DMRTB1: variants seen among roughly 807,000 people sequenced by gnomAD.
DMRTB1 encodes the protein doublesex- and mab-3-related transcription factor B1.
A neutral mutation model predicts 25.2 loss-of-function variants in DMRTB1; 9 were observed. The ratio of observed to expected loss-of-function variants is 0.36; its 90% CI spans 0.22 to 0.62. The LOEUF (loss-of-function observed/expected upper bound fraction) is 0.62, where lower values mean the gene tolerates loss of function less well. Ranked by LOEUF, DMRTB1 falls within the 20% of genes least tolerant of loss-of-function variation. The probability of loss-of-function intolerance (pLI) is 0.71; values close to 1 mark genes in which losing one functional copy is unlikely to be tolerated. For synonymous variants in DMRTB1, 269 were observed against 238.1 expected (o/e 1.13, Z -1.20); for missense variants, 551 against 499.3 (o/e 1.10, Z -0.99).
intron 2 of DMRTB1, among the ~76,000 whole-genome samples, chr1:53,462,669 A>G (rs1644028646): frequency 2.0e-5 from 3 of 152,254 alleles, no homozygotes; most frequent in Admixed American, 2.0e-4. Context: ...GTTTTTGGCC[A>G]GGGTCACAAA....
intron 2 of DMRTB1, among the ~76,000 whole-genome samples, chr1:53,464,371 C>T (rs930289874): frequency 3.3e-5 from 5 of 152,316 alleles, no homozygotes; most frequent in East Asian, 1.9e-4. Context: ...CAAGCACAAT[C>T]GCCCTGGCAT....
At chr1:53,466,499 TAAAATA>T in intron 3 of DMRTB1, 90 bp from the exon 4 acceptor site, 1 of 1,285,628 alleles carries the variant, frequency 7.8e-7, no homozygotes. Context: ...TCAAAAAAAT[TAAAATA>T]AAATAAGAAA....
At chr1:53,464,575 T>G in intron 2 of DMRTB1, 62 bp from the exon 3 acceptor site, 1 of 1,611,000 alleles carries the variant, frequency 6.2e-7, no homozygotes, top group Non-Finnish European at 8.5e-7. Context: ...AGAGCTATGT[T>G]TGGTCAGCCC....
intron 2 of DMRTB1, among the ~76,000 whole-genome samples, chr1:53,464,010 A>G (rs1644037089): frequency 6.6e-6 from 1 of 152,178 alleles, no homozygotes; most frequent in South Asian, 2.1e-4. Flanking sequence ...CAGTGAGGCC[A>G]CTTGCCTGAA....
rs368260068 is a variant in DMRTB1 at position 53,459,402 on chromosome 1, T to C, written c.-52T>C. ...GGGCGCGGCTCATCCCAGCGCCACT[T>C]GCTCTGCAGCTCCCAGAGGTGGTGG... On this transcript the variant is annotated 5_prime_UTR_variant, in exon 1 of 4. Transcript: ENST00000371445. 1.5e-5 allele frequency: 24 copies of C among 1,612,024 alleles called. No individual in the cohort carries two copies. In the African/African-American group the frequency reaches 3.1e-4, roughly 21 times the overall value.
At position 53,461,531 on chromosome 1, in the gene DMRTB1, C is replaced by T. The variant is rs1212918005; in HGVS notation, c.636C>T (p.Ser212=). 4 of 1,612,022 alleles carry T rather than the reference C, an allele frequency of 2.5e-6. No homozygotes were observed. Among genetic ancestry groups the T allele is most frequent in the Non-Finnish European group, 3.4e-6 (4 of 1,179,128 alleles). Residue 212 remains serine, a synonymous_variant, in exon 2 of 4, where the codon TCC becomes TCT. Coordinates refer to ENST00000371445, the MANE Select transcript of DMRTB1 (RefSeq NM_033067.3). The part of the protein sequence containing the change: ...RALGPEYPGG[S]SMHPYCPFPL... ...TGGGCCCTGAGTACCCTGGTGGCTCCAGCATGCACCCCTACTGCCCGTTCC... is the reference window on the plus strand; with the variant it reads ...TGGGCCCTGAGTACCCTGGTGGCTCTAGCATGCACCCCTACTGCCCGTTCC...
Position 53,460,030 on chromosome 1 carries a change from G to A in DMRTB1, c.577G>A (p.Val193Met). The change falls in exon 1 of 4, where the codon GTG becomes ATG. Residue 193 changes from valine (V) to methionine (M), a missense_variant and splice_region_variant. By Grantham distance (21) the Val-to-Met change is conservative (BLOSUM62 1). Coordinates refer to ENST00000371445, the MANE Select transcript of DMRTB1 (RefSeq NM_033067.3). ...TVPGPLFTDFVRPLNINPDRA... is the reference protein window; with the variant it reads ...TVPGPLFTDFMRPLNINPDRA... ...GCCCGGCCCACTGTTCACCGACTTTGGTAAGTCGTGGCCTTGGTCCCGCGG... is the reference window on the plus strand; with the variant it reads ...GCCCGGCCCACTGTTCACCGACTTTAGTAAGTCGTGGCCTTGGTCCCGCGG... The A allele has an allele frequency of 4.5e-6, 7 of 1,571,152 alleles. No individual in the cohort carries two copies. The highest frequency in any genetic ancestry group is 6.0e-6 in the Non-Finnish European group (7 of 1,167,438).
rs1317147444 is a variant in DMRTB1, at chr1:53,466,681, T to TG, written c.*21dup. On this transcript the variant is annotated 3_prime_UTR_variant, in exon 4 of 4. Coordinates refer to ENST00000371445, the MANE Select transcript of DMRTB1 (RefSeq NM_033067.3). Reference sequence around the variant, plus strand: ...CGACTAGGCCCCAGGCCCGCCCTCCTGGCCAGCAGAGTGGGGCACTGGGGG... The same window carrying TG: ...CGACTAGGCCCCAGGCCCGCCCTCCTGGGCCAGCAGAGTGGGGCACTGGGGG... The TG allele has an allele frequency of 6.2e-7, 1 of 1,613,178 alleles. No homozygotes were observed. Among genetic ancestry groups the TG allele is most frequent in the Non-Finnish European group, 8.5e-7 (1 of 1,179,714 alleles).
At chr1:53,460,221 CAG>C (rs2100636192) in intron 1 of DMRTB1, 191 bp downstream of exon 1, 1 of 794,918 alleles carries the variant, frequency 1.3e-6, no homozygotes, top group South Asian at 2.0e-5. Flanking sequence ...AAACGAGAAA[CAG>C]AAAGGAATGG....
In DMRTB1 at chr1:53,464,939, G is replaced by A. The variant is rs1017648105; in HGVS notation, c.961+92G>A. 28 of 1,546,020 alleles carry A rather than the reference G, an allele frequency of 1.8e-5. No individual in the cohort carries two copies. The African/African-American group carries it at 3.5e-4, about 20-fold the overall frequency. On this transcript the variant is annotated intron_variant, in intron 3 of 3. Transcript: ENST00000371445. ...AATCTGAAGAAAGGTTAGGTGTGGA[G>A]AGAAGGGACATGGAATTTAAAGGGT...
chr1:53,459,945 G>A lies in DMRTB1; in HGVS notation c.492G>A (p.Ala164=), dbSNP rs1345741906. The change falls in exon 1 of 4, where the codon GCG becomes GCA. Residue 164 remains alanine (A), a synonymous_variant. Coordinates refer to ENST00000371445, the MANE Select transcript of DMRTB1 (RefSeq NM_033067.3). ...MPSLAGPPFG[A]EAAGSGYPGP... ...GCCTTGCGGGACCCCCTTTTGGGGC[G>A]GAGGCCGCAGGCAGTGGCTACCCTG... 3.2e-6 allele frequency: 5 copies of A among 1,568,726 alleles called. No homozygotes were observed. The highest frequency in any genetic ancestry group is 2.8e-5 in the African/African-American group (2 of 72,294).
Position 53,464,904 on chromosome 1 carries a change from A to G in DMRTB1, c.961+57A>G, listed in dbSNP as rs150471942. 1.3e-5 allele frequency: 21 copies of G among 1,605,200 alleles called. No individual in the cohort carries two copies. The East Asian group carries it at 4.7e-4, about 36-fold the overall frequency. ...AGAGCCAGGGAGACTTTCTGGAGGA[A>G]GAGGTACCTAATCTGAAGAAAGGTT... On this transcript the variant is annotated intron_variant, in intron 3 of 3. Coordinates refer to ENST00000371445, the MANE Select transcript of DMRTB1 (RefSeq NM_033067.3).
intron 2 of DMRTB1, 38 bp downstream of exon 2, chr1:53,461,683 C>T: frequency 6.6e-7 from 1 of 1,508,776 alleles, no homozygotes; most frequent in Non-Finnish European, 8.9e-7. Flanking sequence ...GCTTCCTCCA[C>T]CCAGTCTGCC....
Position 53,459,547 on chromosome 1 carries a change from T to C in DMRTB1, c.94T>C (p.Trp32Arg), listed in dbSNP as rs2100635109. 1 of 1,612,398 alleles carries C rather than the reference T, an allele frequency of 6.2e-7. No homozygotes were observed. Among genetic ancestry groups the C allele is most frequent in the Non-Finnish European group, 8.5e-7 (1 of 1,179,690 alleles). Residue 32 changes from tryptophan to arginine, a missense_variant, in exon 1 of 4, where the codon TGG becomes CGG. Coordinates refer to ENST00000371445, the MANE Select transcript of DMRTB1 (RefSeq NM_033067.3). ...CAAGGGACACGCGGGCAAATGCCGCTGGAAGCAGTGCCTCTGCGAGAAGTG... is the reference window on the plus strand; with the variant it reads ...CAAGGGACACGCGGGCAAATGCCGCCGGAAGCAGTGCCTCTGCGAGAAGTG... ...PVKGHAGKCR[W>R]KQCLCEKCYL...
In DMRTB1 at chr1:53,459,998, G is replaced by A. The variant is rs564212081; in HGVS notation, c.545G>A (p.Arg182Gln). 89 of 1,584,516 alleles carry A rather than the reference G, an allele frequency of 5.6e-5. No homozygotes were observed. In the Admixed American group the frequency reaches 7.1e-4, roughly 13 times the overall value. Reference protein sequence around the residue: ...PGPLDLRRPMRTVPGPLFTDF... With the variant: ...PGPLDLRRPMQTVPGPLFTDF... ...CCCCTAGACCTGCGCAGGCCGATGC[G>A]GACCGTGCCCGGCCCACTGTTCACC... The change falls in exon 1 of 4, where the codon CGG becomes CAG. Residue 182 changes from arginine (R) to glutamine (Q), a missense_variant. By Grantham distance (43) the Arg-to-Gln change is conservative. Coordinates refer to ENST00000371445, the MANE Select transcript of DMRTB1 (RefSeq NM_033067.3).
Position 53,459,489 on chromosome 1 carries a change from G to A in DMRTB1, c.36G>A (p.Ser12=), listed in dbSNP as rs150523807. ...AAATGGTGCGCACCCCCAAGTGCTC[G>A]AGATGCAGGAACCATGGCTTCCTGG... is the stretch of plus-strand genomic sequence containing the variant. ...ADKMVRTPKC[S]RCRNHGFLVP... is the part of the protein sequence containing the mutation. The change falls in exon 1 of 4, where the codon TCG becomes TCA. Residue 12 remains serine (S), a synonymous_variant. Transcript: ENST00000371445. 6.2e-7 allele frequency: 1 copy of A among 1,613,198 alleles called. No homozygotes were observed. The highest frequency in any genetic ancestry group is 8.5e-7 in the Non-Finnish European group (1 of 1,180,020).
At chr1:53,462,740 T>C (rs1170839369) in intron 2 of DMRTB1, among the ~76,000 whole-genome samples, 1 of 152,218 alleles carries the variant, frequency 6.6e-6, no homozygotes, top group South Asian at 2.1e-4. Context: ...AGCCGGGTCG[T>C]GCACCTCAGT....
Position 53,459,924 on chromosome 1 carries a change from T to G in DMRTB1, c.471T>G (p.Leu157=). Residue 157 remains leucine (L), a synonymous_variant, in exon 1 of 4, where the codon CTT becomes CTG. Transcript: ENST00000371445. ...GAGCCGCCGTGGCGATGCCCAGCCT[T>G]GCGGGACCCCCTTTTGGGGCGGAGG... is the stretch of plus-strand genomic sequence containing the variant. ...SERAAVAMPS[L]AGPPFGAEAA... is the part of the protein sequence containing the mutation. 1 of 1,559,406 alleles carries G rather than the reference T, an allele frequency of 6.4e-7. No homozygotes were observed. Among genetic ancestry groups the G allele is most frequent in the Non-Finnish European group, 8.6e-7 (1 of 1,162,228 alleles).
chr1:53,459,715 G>A lies in DMRTB1; in HGVS notation c.262G>A (p.Val88Ile), dbSNP rs1644007398. 6.4e-6 allele frequency: 9 copies of A among 1,400,642 alleles called. No individual in the cohort carries two copies. Among genetic ancestry groups the A allele is most frequent in the South Asian group, 1.6e-5 (1 of 64,332 alleles). 86.8% of individuals were successfully genotyped at this position (1,400,642 alleles called of 1,614,324 possible). A position where few individuals can be genotyped will look rare whatever the true frequency, so the allele number is the denominator to read the frequency against. The change falls in exon 1 of 4, where the codon GTC becomes ATC. Residue 88 changes from valine (V) to isoleucine (I), a missense_variant. Physicochemically the swap from Val to Ile is conservative, Grantham distance 29. Coordinates refer to ENST00000371445, the MANE Select transcript of DMRTB1 (RefSeq NM_033067.3). ...SGAAAAAPAPVPVPAASLRPL... is the reference protein window; with the variant it reads ...SGAAAAAPAPIPVPAASLRPL... ...GGCTGCGGCCGCCGCCCCCGCCCCCGTCCCCGTCCCGGCCGCGAGCCTCCG... is the reference window on the plus strand; with the variant it reads ...GGCTGCGGCCGCCGCCCCCGCCCCCATCCCCGTCCCGGCCGCGAGCCTCCG...
Sources: gnomAD v4.1 joint callset for allele counts (sites outside exome capture counted in the v4.1 genomes callset) on GRCh38, gnomAD v4.1.1 for gene constraint, MANE v1.5 for transcripts, NCBI Gene and HGNC (gene_info 2026-07-23, HGNC 2026-07-21) for gene names.